The following FRMD3 variants were observed in gnomAD, a reference collection of about 807,000 sequenced individuals.
FRMD3 encodes FERM domain containing 3, also known as FERM domain-containing protein 3.
Under a neutral mutation model 70.2 loss-of-function variants are expected in FRMD3, and 33 were observed. The ratio of observed to expected loss-of-function variants is 0.47; its 90% CI spans 0.36 to 0.63. FRMD3 has a LOEUF of 0.63. FRMD3 is among the 20% of genes least tolerant of loss of function. FRMD3 has a pLI of 0.00. For missense variants in FRMD3, 632 were observed against 711.4 expected (o/e 0.89, Z 1.27); for synonymous variants, 279 against 255.9 (o/e 1.09, Z -0.86).
chr9:83,253,141 A>G (rs916399369), intron 13 of FRMD3, among the ~76,000 whole-genome samples: 9 of 152,254 alleles, frequency 5.9e-5, no homozygotes, highest in African/African-American at 1.9e-4. Flanking sequence ...CTCTCCAAGA[A>G]ATGCAAAAGA....
At chr9:83,261,102 GAC>G (rs59345002) in intron 13 of FRMD3, among the ~76,000 whole-genome samples, 152 of 133,152 alleles carry the variant, frequency 1.1e-3, no homozygotes, top group African/African-American at 1.4e-3. Flanking sequence ...AGGAAACTTA[GAC>G]ACACACACAC....
intron 1 of FRMD3, among the ~76,000 whole-genome samples, chr9:83,529,242 C>A (rs1829745472): frequency 6.6e-6 from 1 of 152,116 alleles, no homozygotes; most frequent in Non-Finnish European, 1.5e-5. Context: ...TTGCTTTTTT[C>A]AACAAATGGT....
chr9:83,490,796 T>TCA (rs1217910906), intron 1 of FRMD3, among the ~76,000 whole-genome samples: 1,357 of 111,942 alleles, frequency 0.012, 9 homozygotes, highest in Non-Finnish European at 0.015. Flanking sequence ...TCTCTCTCTC[T>TCA]CTCACACACA....
chr9:83,256,012 AC>A (rs1352087480), intron 13 of FRMD3, among the ~76,000 whole-genome samples: 11 of 152,186 alleles, frequency 7.2e-5, no homozygotes, highest in African/African-American at 2.2e-4. Flanking sequence ...ACAGAATTAA[AC>A]AAAAATATTT....
chr9:83,291,767 G>A (rs1264337844), intron 12 of FRMD3, among the ~76,000 whole-genome samples: 2 of 152,158 alleles, frequency 1.3e-5, no homozygotes, highest in African/African-American at 2.4e-5. Flanking sequence ...ATGTGTTCAG[G>A]TTTGAAACTA....
At chr9:83,374,684 T>C (rs1825087804) in intron 2 of FRMD3, among the ~76,000 whole-genome samples, 2 of 152,176 alleles carry the variant, frequency 1.3e-5, no homozygotes, top group South Asian at 4.1e-4. Context: ...TTAACAAATG[T>C]AATATACACA....
At position 83,532,540 on chromosome 9, in the gene FRMD3, A is replaced by G. The variant is rs112802562; in HGVS notation, c.147+5545T>C. 3.9e-5 allele frequency among the ~76,000 whole-genome samples: 6 copies of G among 152,330 alleles called. 1 individual carries two copies. Among genetic ancestry groups the G allele is most frequent in the African/African-American group, 1.4e-4 (6 of 41,570 alleles). Reference sequence around the variant, plus strand: ...TAAACTCTCATGAAAGGTTTATTGTAACAATAATTGCAACCTAATTTGACG... The same window carrying G: ...TAAACTCTCATGAAAGGTTTATTGTGACAATAATTGCAACCTAATTTGACG... On this transcript the variant is annotated intron_variant, in intron 1 of 13. Transcript: ENST00000304195.
chr9:83,339,598 C>A (rs1048738171), intron 5 of FRMD3, among the ~76,000 whole-genome samples: 11 of 152,286 alleles, frequency 7.2e-5, no homozygotes, highest in African/African-American at 2.6e-4. Context: ...GATGCAGGAC[C>A]TTTAGCTCCA....
chr9:83,432,445 G>A (rs1451466052), intron 1 of FRMD3, among the ~76,000 whole-genome samples: 1 of 152,134 alleles, frequency 6.6e-6, no homozygotes, highest in Non-Finnish European at 1.5e-5. Flanking sequence ...CCTTTGTGTG[G>A]TGTGGCCCCC....
chr9:83,555,479 C>A, the FRMD3 span, among the ~76,000 whole-genome samples: 1 of 152,198 alleles, frequency 6.6e-6, no homozygotes, highest in African/African-American at 2.4e-5. Context: ...AGCCCCAAGG[C>A]TGGAATGGCT....
chr9:83,272,549 A>G (rs1425658471), intron 13 of FRMD3, among the ~76,000 whole-genome samples: 1 of 150,972 alleles, frequency 6.6e-6, no homozygotes, highest in Non-Finnish European at 1.5e-5. Context: ...AGTGAGGAGC[A>G]TCTCTGCCTG....
intron 13 of FRMD3, among the ~76,000 whole-genome samples, chr9:83,284,007 A>T (rs1315304633): frequency 6.6e-6 from 1 of 152,074 alleles, no homozygotes; most frequent in Non-Finnish European, 1.5e-5. Flanking sequence ...ATAGGGAAGA[A>T]ATTGCTAATG....
the FRMD3 span, among the ~76,000 whole-genome samples, chr9:83,568,078 G>C: frequency 2.5e-3 from 376 of 152,316 alleles, 1 homozygote; most frequent in African/African-American, 8.8e-3. Flanking sequence ...GTTCCACATG[G>C]CTAGGGAGGC....
At chr9:83,379,874 C>A (rs1825303863) in intron 2 of FRMD3, among the ~76,000 whole-genome samples, 1 of 152,180 alleles carries the variant, frequency 6.6e-6, no homozygotes, top group Non-Finnish European at 1.5e-5. Context: ...TACACTGATT[C>A]CAGAACTCCC....
intron 10 of FRMD3, among the ~76,000 whole-genome samples, chr9:83,308,450 G>A (rs760028075): frequency 5.9e-5 from 9 of 152,170 alleles, no homozygotes; most frequent in Non-Finnish European, 1.3e-4. Flanking sequence ...TTCAGAGACA[G>A]CATTTTCAGG....
At chr9:83,325,383 G>A (rs1391114222) in intron 6 of FRMD3, among the ~76,000 whole-genome samples, 1 of 152,136 alleles carries the variant, frequency 6.6e-6, no homozygotes, top group East Asian at 1.9e-4. Flanking sequence ...CTGGAGTGCA[G>A]TGATGCGATC....
intron 1 of FRMD3, among the ~76,000 whole-genome samples, chr9:83,467,040 AG>A (rs1393877092): frequency 2.6e-5 from 4 of 152,188 alleles, no homozygotes; most frequent in African/African-American, 9.7e-5. Context: ...GGTCTGACAG[AG>A]GAACTGTCAG....
At chr9:83,558,277 T>TGTGTGTGC in the FRMD3 span, among the ~76,000 whole-genome samples, 4 of 151,988 alleles carry the variant, frequency 2.6e-5, no homozygotes, top group African/African-American at 2.4e-5. Context: ...TGTGTGTGTG[T>TGTGTGTGC]GCGCGCGCGC....
At chr9:83,378,637 T>A (rs1438435562) in intron 2 of FRMD3, among the ~76,000 whole-genome samples, 2 of 131,322 alleles carry the variant, frequency 1.5e-5, no homozygotes, top group African/African-American at 5.7e-5. Context: ...TTTATATATA[T>A]AATTTATATA....
Sources: gnomAD v4.1 joint callset for allele counts (sites outside exome capture counted in the v4.1 genomes callset) on GRCh38, gnomAD v4.1.1 for gene constraint, MANE v1.5 for transcripts, NCBI Gene and HGNC (gene_info 2026-07-23, HGNC 2026-07-21) for gene names.